The following TMEM181 variants were observed in gnomAD, a reference collection of about 807,000 sequenced individuals.
The protein encoded by TMEM181 is G protein-coupled receptor 178.
In TMEM181, 39 loss-of-function variants were observed where a neutral mutation model predicts 71.9. That is an observed-to-expected ratio of 0.54 (90% CI 0.42 to 0.71). TMEM181 has a LOEUF of 0.71. Among genes scored for constraint, TMEM181 ranks in the 30% least tolerant of loss-of-function variants. The pLI is 0.00. For missense variants in TMEM181, 595 were observed against 583.0 expected (o/e 1.02, Z -0.21); for synonymous variants, 245 against 228.8 (o/e 1.07, Z -0.64).
chr6:158,591,724 A>G (rs1281653006), intron 6 of TMEM181, among the ~76,000 whole-genome samples: 1 of 151,964 alleles, frequency 6.6e-6, no homozygotes, highest in Non-Finnish European at 1.5e-5. Flanking sequence ...CATCTTCTTT[A>G]TTAGAACATC....
chr6:158,635,342 ATG>A lies in TMEM181; in HGVS notation c.*3456_*3457del, dbSNP rs1786898753. Reference sequence around the variant, plus strand: ...TGTTGCTGTCATCAGGCAAAAGTGAATGTTTGTTTATGGCAAATTCGTCTTTT... The same window carrying A: ...TGTTGCTGTCATCAGGCAAAAGTGAATTTGTTTATGGCAAATTCGTCTTTT... On this transcript the variant is annotated 3_prime_UTR_variant, in exon 17 of 17. Coordinates refer to ENST00000684151, the MANE Select transcript of TMEM181 (RefSeq NM_001376852.1). 6.6e-6 allele frequency: 1 copy of A among 152,190 alleles called. No individual in the cohort carries two copies. Among genetic ancestry groups the A allele is most frequent in the Non-Finnish European group, 1.5e-5 (1 of 68,030 alleles). The allele number at this position is 152,190 out of a possible 1,614,324, so 9.4% of individuals were successfully genotyped here.
intron 1 of TMEM181, among the ~76,000 whole-genome samples, chr6:158,571,907 C>T (rs1401088154): frequency 6.6e-6 from 1 of 152,254 alleles, no homozygotes; most frequent in African/African-American, 2.4e-5. Context: ...CCTATGGCTC[C>T]TGGGCCTCTG....
chr6:158,560,335 C>G, intron 1 of TMEM181, 103 bp downstream of exon 1: 2 of 984,218 alleles, frequency 2.0e-6, no homozygotes, highest in Non-Finnish European at 2.4e-6. Flanking sequence ...GTCCCTGGCG[C>G]CCACGTGGAA....
intron 10 of TMEM181, among the ~76,000 whole-genome samples, chr6:158,611,978 C>CCCA (rs111572910): frequency 2.8e-5 from 4 of 144,754 alleles, no homozygotes; most frequent in Admixed American, 7.2e-5. Context: ...GCAGGGATAC[C>CCCA]CCCCCCACCT....
At chr6:158,611,287 C>A in intron 10 of TMEM181, 1 of 498,340 alleles carries the variant, frequency 2.0e-6, no homozygotes, top group South Asian at 1.5e-5. Context: ...TCCTTCACTC[C>A]TAGCTGGTCC....
At chr6:158,553,103 G>C (rs899558671) in intron 1 of TMEM181, among the ~76,000 whole-genome samples, 2 of 151,544 alleles carry the variant, frequency 1.3e-5, no homozygotes, top group African/African-American at 4.9e-5. Flanking sequence ...CAGGAGGATT[G>C]TTTGAGCCTG....
chr6:158,630,959 C>T (rs1327202421), intron 15 of TMEM181, among the ~76,000 whole-genome samples: 2 of 152,240 alleles, frequency 1.3e-5, no homozygotes, highest in African/African-American at 4.8e-5. Flanking sequence ...CAGCTCGCTG[C>T]ACGTCCAAGG....
chr6:158,545,601 C>T (rs137991933), intron 1 of TMEM181, among the ~76,000 whole-genome samples: 10 of 151,726 alleles, frequency 6.6e-5, no homozygotes, highest in South Asian at 2.1e-4. Flanking sequence ...ATGAAGGAAC[C>T]GGACAGAACT....
intron 1 of TMEM181, among the ~76,000 whole-genome samples, chr6:158,540,034 G>A (rs1388302989): frequency 2.0e-5 from 3 of 152,146 alleles, no homozygotes; most frequent in Admixed American, 6.5e-5. Flanking sequence ...TTGCTGATTC[G>A]GCAGCTTAAT....
intron 1 of TMEM181, among the ~76,000 whole-genome samples, chr6:158,551,490 G>A (rs1259290371): frequency 6.6e-6 from 1 of 152,094 alleles, no homozygotes; most frequent in Non-Finnish European, 1.5e-5. Context: ...AATAACTGTG[G>A]ATGACAAAAC....
At chr6:158,598,356 A>G (rs889067605) in intron 6 of TMEM181, among the ~76,000 whole-genome samples, 2 of 151,738 alleles carry the variant, frequency 1.3e-5, no homozygotes, top group African/African-American at 4.8e-5. Flanking sequence ...CATTTCCTCC[A>G]TTTTCTTCTA....
At chr6:158,580,438 C>T (rs563321361) in intron 2 of TMEM181, among the ~76,000 whole-genome samples, 39 of 152,230 alleles carry the variant, frequency 2.6e-4, no homozygotes, top group South Asian at 1.9e-3. Flanking sequence ...CTATGAGGTT[C>T]GTATACCTAT....
At chr6:158,611,956 C>G (rs1785345006) in intron 10 of TMEM181, among the ~76,000 whole-genome samples, 1 of 141,016 alleles carries the variant, frequency 7.1e-6, no homozygotes, top group African/African-American at 2.7e-5. Flanking sequence ...TCCCATACAA[C>G]TCCCTGCAGC....
intron 3 of TMEM181, among the ~76,000 whole-genome samples, chr6:158,581,774 A>AAAG (rs59577047): frequency 6.7e-6 from 1 of 150,278 alleles, no homozygotes. Flanking sequence ...AAAAAAAAAA[A>AAAG]GCCTTAACTT....
At chr6:158,618,934 A>G (rs1240474059) in intron 10 of TMEM181, among the ~76,000 whole-genome samples, 2 of 152,058 alleles carry the variant, frequency 1.3e-5, no homozygotes, top group African/African-American at 4.8e-5. Flanking sequence ...TTTTTCGTTC[A>G]TTTCAACCTT....
chr6:158,583,989 T>A lies in TMEM181; in HGVS notation c.204T>A (p.Ser68=), dbSNP rs1220594863. ...TTCAAATACTTTCAAATCCACTGTC[T>A]ACATACAATCAGCAACTATGGCTGA... ...KPIQILSNPL[S]TYNQQLWLTC... The change falls in exon 4 of 17, where the codon TCT becomes TCA. Residue 68 remains serine, a synonymous_variant. Coordinates refer to ENST00000684151, the MANE Select transcript of TMEM181 (RefSeq NM_001376852.1). The A allele has an allele frequency of 6.2e-7, 1 of 1,612,114 alleles. No individual in the cohort carries two copies. Among genetic ancestry groups the A allele is most frequent in the Admixed American group, 1.7e-5 (1 of 59,854 alleles).
chr6:158,629,318 A>T (rs1213018279), intron 14 of TMEM181, among the ~76,000 whole-genome samples: 1 of 152,216 alleles, frequency 6.6e-6, no homozygotes, highest in Non-Finnish European at 1.5e-5. Flanking sequence ...AAATGTTCAG[A>T]GCAATTGGTT....
intron 10 of TMEM181, among the ~76,000 whole-genome samples, chr6:158,617,180 A>G (rs954610378): frequency 3.9e-5 from 6 of 152,208 alleles, no homozygotes; most frequent in Non-Finnish European, 8.8e-5. Context: ...TGGTCTATTA[A>G]GAGATTCAGC....
intron 15 of TMEM181, among the ~76,000 whole-genome samples, chr6:158,630,856 G>A (rs1460644124): frequency 1.3e-5 from 2 of 151,952 alleles, no homozygotes; most frequent in Admixed American, 1.3e-4. Context: ...TAGTGGGCTA[G>A]CACTTGCCCA....
Sources: gnomAD v4.1 joint callset for allele counts (sites outside exome capture counted in the v4.1 genomes callset) on GRCh38, gnomAD v4.1.1 for gene constraint, MANE v1.5 for transcripts, NCBI Gene and HGNC (gene_info 2026-07-23, HGNC 2026-07-21) for gene names.